NFXL1: variants seen among roughly 807,000 people sequenced by gnomAD.
The protein encoded by NFXL1 is nuclear transcription factor, X-box binding like 1.
Under a neutral mutation model 123.3 loss-of-function variants are expected in NFXL1, and 66 were observed. The ratio of observed to expected loss-of-function variants is 0.54; its 90% CI spans 0.44 to 0.66. The LOEUF is 0.66. NFXL1 is among the 30% of genes least tolerant of loss of function. NFXL1 has a pLI of 0.00. For missense variants in NFXL1, 944 were observed against 1,125.6 expected, an observed-to-expected ratio of 0.84 and a Z score of 2.31; for synonymous variants, 346 against 360.8, an observed-to-expected ratio of 0.96 and a Z score of 0.46.
chr4:47,887,032 T>TA (rs977112871), intron 12 of NFXL1, among the ~76,000 whole-genome samples: 13 of 151,374 alleles, frequency 8.6e-5, no homozygotes, highest in East Asian at 3.9e-4. Flanking sequence ...CTTCTAAACA[T>TA]AAAAAAAAAT....
chr4:47,881,177 C>T (rs1736096064), intron 15 of NFXL1, among the ~76,000 whole-genome samples: 1 of 151,948 alleles, frequency 6.6e-6, no homozygotes, highest in African/African-American at 2.4e-5. Context: ...TATATATTTT[C>T]AAATAGCTAG....
intron 18 of NFXL1, among the ~76,000 whole-genome samples, chr4:47,868,244 G>C (rs1489423604): frequency 6.6e-6 from 1 of 151,884 alleles, no homozygotes; most frequent in African/African-American, 2.4e-5. Context: ...GCGTGAACTC[G>C]GGAAGCGGAG....
rs1469376753 is a variant in NFXL1 at position 47,914,544 on chromosome 4, A to C, written c.-182T>G. ...GAGCGTGGTAGGGGAAGAGTCACAG[A>C]CTGACCCTGCGTCTCCCGCCGGGAA... On this transcript the variant is annotated 5_prime_UTR_variant, in exon 1 of 23. Coordinates refer to ENST00000507489, the MANE Select transcript of NFXL1 (RefSeq NM_001278624.2). 1 of 255,642 alleles carries C rather than the reference A, an allele frequency of 3.9e-6. No individual in the cohort carries two copies. Among genetic ancestry groups the C allele is most frequent in the Admixed American group, 5.3e-5 (1 of 18,926 alleles). The allele number at this position is 255,642 out of a possible 1,614,324, so 15.8% of individuals were successfully genotyped here. A position where few individuals can be genotyped will look rare whatever the true frequency, so the allele number is the denominator to read the frequency against.
intron 5 of NFXL1, among the ~76,000 whole-genome samples, chr4:47,901,888 A>G (rs1737369008): frequency 6.6e-6 from 1 of 152,176 alleles, no homozygotes; most frequent in African/African-American, 2.4e-5. Flanking sequence ...TGTTTTTAAA[A>G]ACTACACCAC....
At position 47,903,198 on chromosome 4, in the gene NFXL1, C is replaced by T. The variant is rs138029067; in HGVS notation, c.642G>A (p.Trp214Ter). 3.8e-6 allele frequency: 6 copies of T among 1,580,922 alleles called. No homozygotes were observed. The African/African-American group carries it at 6.9e-5, about 18-fold the overall frequency. Residue 214 changes from tryptophan to a stop codon, truncating the protein, a stop_gained, in exon 5 of 23, where the codon TGG (tryptophan) becomes TGA (stop). Coordinates refer to ENST00000507489, the MANE Select transcript of NFXL1 (RefSeq NM_001278624.2). LOFTEE classifies it high-confidence loss of function. ...DDDFGKKDCP[W>*]PCPKCRFEYK... is the part of the protein sequence containing the mutation. ...AACTAATTAGAAAAAGTTACCAAGG[C>T]CAGGGACAATCTTTCTTTCCAAAAT...
At chr4:47,895,638 T>C (rs1737041269) in intron 10 of NFXL1, among the ~76,000 whole-genome samples, 1 of 152,214 alleles carries the variant, frequency 6.6e-6, no homozygotes, top group Admixed American at 6.5e-5. Flanking sequence ...GGCCTTGCTT[T>C]GGAGTATTTG....
chr4:47,868,186 G>A (rs919796298), intron 18 of NFXL1, among the ~76,000 whole-genome samples: 3 of 152,126 alleles, frequency 2.0e-5, no homozygotes, highest in Admixed American at 6.5e-5. Flanking sequence ...AGGCGTGGCG[G>A]CGGGCACCTG....
intron 2 of NFXL1, 64 bp downstream of exon 2, chr4:47,913,905 G>C (rs919217748): frequency 9.0e-7 from 1 of 1,114,054 alleles, no homozygotes. Context: ...GGGCGGAGGC[G>C]GTCCTGACTA....
chr4:47,905,041 A>G (rs1195921357), intron 4 of NFXL1, among the ~76,000 whole-genome samples, 196 bp downstream of exon 4: 1 of 152,246 alleles, frequency 6.6e-6, no homozygotes, highest in Non-Finnish European at 1.5e-5. Context: ...ATAGTGCTAA[A>G]AATACTGGAT....
chr4:47,867,461 T>C (rs1445690785), intron 18 of NFXL1, among the ~76,000 whole-genome samples: 2 of 151,722 alleles, frequency 1.3e-5, no homozygotes, highest in Non-Finnish European at 2.9e-5. Context: ...ACCCAACATA[T>C]ATACAATTGA....
intron 19 of NFXL1, among the ~76,000 whole-genome samples, chr4:47,859,299 C>A (rs1734589513): frequency 6.6e-6 from 1 of 152,192 alleles, no homozygotes; most frequent in Admixed American, 6.5e-5. Context: ...CTAAGAAACA[C>A]TTGTAGAACA....
chr4:47,898,801 C>CT lies in NFXL1; in HGVS notation c.1044dup (p.Val349SerfsTer3). On this transcript the variant is annotated frameshift_variant, in exon 8 of 23. Coordinates refer to ENST00000507489, the MANE Select transcript of NFXL1 (RefSeq NM_001278624.2). LOFTEE classifies it high-confidence loss of function. Reference sequence around the variant, plus strand: ...GGACTTGCACAACTTCTTTCAGCTACTTTTTTGCCACAGACACACTTTTGT... The same window carrying CT: ...GGACTTGCACAACTTCTTTCAGCTACTTTTTTTGCCACAGACACACTTTTGT... 19 of 1,613,824 alleles carry CT rather than the reference C, an allele frequency of 1.2e-5. No individual in the cohort carries two copies. The highest frequency in any genetic ancestry group is 1.6e-5 in the Non-Finnish European group (19 of 1,179,836).
chr4:47,903,508 C>G (rs755044803), intron 4 of NFXL1, among the ~76,000 whole-genome samples, 185 bp from the exon 5 acceptor site: 1 of 151,958 alleles, frequency 6.6e-6, no homozygotes, highest in Non-Finnish European at 1.5e-5. Flanking sequence ...TAGGATACTT[C>G]GAAGAAAATT....
chr4:47,875,021 G>A, intron 18 of NFXL1, 106 bp downstream of exon 18: 1 of 587,558 alleles, frequency 1.7e-6, no homozygotes, highest in Non-Finnish European at 2.9e-6. Context: ...GGAAAATCTA[G>A]GCATCTAGAG....
At chr4:47,892,685 T>C (rs1208992387) in intron 11 of NFXL1, among the ~76,000 whole-genome samples, 1 of 152,142 alleles carries the variant, frequency 6.6e-6, no homozygotes, top group Non-Finnish European at 1.5e-5. Context: ...CTTAAAAATA[T>C]CAAGCCTCTG....
chr4:47,896,452 C>T, intron 10 of NFXL1, 71 bp downstream of exon 10: 1 of 1,249,034 alleles, frequency 8.0e-7, no homozygotes, highest in Non-Finnish European at 1.2e-6. Context: ...AGAAAACAAC[C>T]ACAGGACAAT....
chr4:47,899,633 C>G, intron 5 of NFXL1, 85 bp from the exon 6 acceptor site: 1 of 804,206 alleles, frequency 1.2e-6, no homozygotes, highest in Non-Finnish European at 2.0e-6. Flanking sequence ...AGAGTATATT[C>G]TGTTAAATTA....
At chr4:47,890,578 A>G (rs761564743) in intron 12 of NFXL1, 35 bp downstream of exon 12, 7 of 1,194,478 alleles carry the variant, frequency 5.9e-6, no homozygotes, top group Non-Finnish European at 8.7e-6. Context: ...CTACATCACT[A>G]CAAACATAAA....
intron 17 of NFXL1, chr4:47,877,209 T>C: frequency 2.2e-6 from 1 of 456,770 alleles, no homozygotes; most frequent in Non-Finnish European, 4.4e-6. Flanking sequence ...ACAAAGAGTA[T>C]ACTTAGAATA....
Sources: allele counts gnomAD v4.1 joint callset (sites outside exome capture counted in the v4.1 genomes callset), GRCh38; gene constraint gnomAD v4.1.1; transcripts MANE v1.5; gene names NCBI Gene and HGNC (gene_info 2026-07-23, HGNC 2026-07-21).